FAM186B: variants seen among roughly 807,000 people sequenced by gnomAD.
FAM186B encodes the protein family with sequence similarity 186 member B.
FAM186B carries 68 observed loss-of-function variants against 83.4 expected under a neutral mutation model. The observed-to-expected ratio is 0.81, with a 90% CI of 0.67 to 1.00. The LOEUF (loss-of-function observed/expected upper bound fraction) is 1.00, where lower values mean the gene tolerates loss of function less well. Ranked by LOEUF, FAM186B falls within the 50% of genes least tolerant of loss-of-function variation. The pLI, the probability that FAM186B is intolerant of heterozygous loss-of-function variation, is 0.00. For missense variants in FAM186B, 983 were observed against 1,099.2 expected (o/e 0.89, Z 1.49); for synonymous variants, 389 against 422.0 (o/e 0.92, Z 0.96).
In FAM186B at chr12:49,604,370, C is replaced by G. The variant is rs1477785148; in HGVS notation, c.265G>C (p.Asp89His). The G allele has an allele frequency of 3.1e-6, 5 of 1,614,134 alleles. No homozygotes were observed. The highest frequency in any genetic ancestry group is 1.7e-5 in the Admixed American group (1 of 60,010). The change falls in exon 2 of 7, where the codon GAT (aspartate) becomes CAT (histidine). Residue 89 changes from aspartate (D) to histidine (H), a missense_variant. Coordinates refer to ENST00000257894, the MANE Select transcript of FAM186B (RefSeq NM_032130.3). Reference protein sequence around the residue: ...LLEKIASFSKDAMMKEKHLYD... With the variant: ...LLEKIASFSKHAMMKEKHLYD... ...AGGTGCTTCTCCTTCATCATAGCAT[C>G]TTTGGAGAAGGAGGCAATTTTTTCC...
rs147282399 is a variant in FAM186B at position 49,588,481 on chromosome 12, C to T, written c.2507G>A (p.Arg836Gln). 9.4e-4 allele frequency: 1,512 copies of T among 1,613,176 alleles called. 12 individuals are homozygous for T. The African/African-American group carries it at 0.018, about 19-fold the overall frequency. ...TYKQPFLSRH[R>Q]ACVPLQMARQ... ...GGCCATCTGCAGGGGCACACATGCC[C>T]GGTGCCTAGACAGAAAGGGCTGCTT... The change falls in exon 6 of 7, where the codon CGG (arginine) becomes CAG (glutamine). Residue 836 changes from arginine to glutamine, a missense_variant. Coordinates refer to ENST00000257894, the MANE Select transcript of FAM186B (RefSeq NM_032130.3).
At chr12:49,588,990 G>A (rs958860011) in intron 5 of FAM186B, among the ~76,000 whole-genome samples, 5 of 152,130 alleles carry the variant, frequency 3.3e-5, no homozygotes, top group African/African-American at 1.2e-4. Flanking sequence ...GTATCTTTTC[G>A]TCCAGCCCCA....
At position 49,600,878 on chromosome 12, in the gene FAM186B, G is replaced by T; in HGVS notation, c.762C>A (p.Asn254Lys). ...NKALILQHKE[N>K]RSLETKYRHL... ...GCCTGTATTTGGTCTCCAGGCTCCT[G>T]TTCTCCTTGTGTTGGAGGATCAAGG... is the stretch of plus-strand genomic sequence containing the variant. Residue 254 changes from asparagine to lysine, a missense_variant, in exon 4 of 7, where the codon AAC becomes AAA. Coordinates refer to ENST00000257894, the MANE Select transcript of FAM186B (RefSeq NM_032130.3). This position sits in a 1 kb window ranked among gnomAD's most constrained non-coding sequence, Gnocchi z 4.3. 1 of 1,614,148 alleles carries T rather than the reference G, an allele frequency of 6.2e-7. No individual in the cohort carries two copies. Among genetic ancestry groups the T allele is most frequent in the Non-Finnish European group, 8.5e-7 (1 of 1,180,004 alleles).
rs760701513 is a variant in FAM186B at position 49,600,009 on chromosome 12, G to A, written c.1631C>T (p.Pro544Leu). The A allele has an allele frequency of 1.9e-6, 3 of 1,611,292 alleles. No homozygotes were observed. The highest frequency in any genetic ancestry group is 2.5e-6 in the Non-Finnish European group (3 of 1,178,846). Residue 544 changes from proline (P) to leucine (L), a missense_variant, in exon 4 of 7, where the codon CCA becomes CTA. Coordinates refer to ENST00000257894, the MANE Select transcript of FAM186B (RefSeq NM_032130.3). The surrounding 1 kb of genome is among the most constrained non-coding windows in gnomAD (Gnocchi z 4.3). ...WVQLEKEQES[P>L]RREPEQLGED... ...CCCTAGCTGCTCTGGCTCTCTCCGT[G>A]GGCTCTCCTGCTCCTTTTCTAGCTG...
In FAM186B at chr12:49,599,541, ATGG is replaced by A. The variant is rs748303576; in HGVS notation, c.2096_2098del (p.Thr699del). The A allele has an allele frequency of 7.5e-6, 12 of 1,607,690 alleles. No individual in the cohort carries two copies. The highest frequency in any genetic ancestry group is 4.4e-5 in the South Asian group (4 of 90,060). On this transcript the variant is annotated inframe_deletion, in exon 4 of 7. Transcript: ENST00000257894. ...CTGCAGCCTGAGCGCGCCCAGCTCCATGGTGGTGGTGGTGAGCTCCAGTGCTTT... is the reference window on the plus strand; with the variant it reads ...CTGCAGCCTGAGCGCGCCCAGCTCCATGGTGGTGGTGAGCTCCAGTGCTTT...
downstream of FAM186B, chr12:49,584,305 T>A: frequency 1.8e-6 from 1 of 563,858 alleles, no homozygotes; most frequent in Non-Finnish European, 3.2e-6. Flanking sequence ...CTCTATTTTA[T>A]TAAAATGTAG....
At chr12:49,614,377 C>A in the FAM186B span, among the ~76,000 whole-genome samples, 1 of 152,108 alleles carries the variant, frequency 6.6e-6, no homozygotes, top group South Asian at 2.1e-4. Flanking sequence ...TCCATACACA[C>A]CATGGAATAC....
chr12:49,584,445 C>T (rs547971050), downstream of FAM186B: 7 of 698,074 alleles, frequency 1.0e-5, no homozygotes, highest in East Asian at 1.9e-4. Context: ...GGGTTTCCGT[C>T]CCTCAGAAGG....
At chr12:49,591,929 T>C (rs1297752085) in intron 5 of FAM186B, among the ~76,000 whole-genome samples, 2 of 152,216 alleles carry the variant, frequency 1.3e-5, no homozygotes, top group East Asian at 1.9e-4. Flanking sequence ...AGTCTGTTCA[T>C]GTTCAGCACA....
the FAM186B span, among the ~76,000 whole-genome samples, chr12:49,611,061 G>A: frequency 2.0e-5 from 3 of 151,768 alleles, no homozygotes; most frequent in African/African-American, 4.8e-5. Context: ...CCAACATGGT[G>A]AAACGTTGTC....
In FAM186B at chr12:49,599,913, A is replaced by C; in HGVS notation, c.1727T>G (p.Leu576Ter). The change falls in exon 4 of 7, where the codon TTA (leucine) becomes TGA (stop). Residue 576 changes from leucine to a stop codon, truncating the protein, a stop_gained. Coordinates refer to ENST00000257894, the MANE Select transcript of FAM186B (RefSeq NM_032130.3). LOFTEE classifies it high-confidence loss of function. Reference sequence around the variant, plus strand: ...TTGGGTCCGGCTTGGGGCAGGCACTAATGATAGCTCTGCCTTCTCCAAGTC... The same window carrying C: ...TTGGGTCCGGCTTGGGGCAGGCACTCATGATAGCTCTGCCTTCTCCAAGTC... The part of the protein sequence containing the change: ...WRDLEKAELS[L>*]VPAPSRTQSA... 6.2e-7 allele frequency: 1 copy of C among 1,613,202 alleles called. No homozygotes were observed. The highest frequency in any genetic ancestry group is 8.5e-7 in the Non-Finnish European group (1 of 1,179,530).
the FAM186B span, among the ~76,000 whole-genome samples, chr12:49,616,282 G>A: frequency 6.6e-5 from 10 of 152,178 alleles, no homozygotes; most frequent in African/African-American, 2.2e-4. Context: ...CACCTGCCTC[G>A]ACCTCCCAAA....
At chr12:49,584,382 G>A (rs1483050765), downstream of FAM186B, 13 of 656,744 alleles carry the variant, frequency 2.0e-5, no homozygotes, top group East Asian at 3.5e-4. Flanking sequence ...AACCCCCAGA[G>A]GGTTTCTTTA....
intron 4 of FAM186B, 96 bp downstream of exon 4, chr12:49,599,373 C>T: frequency 7.0e-7 from 1 of 1,426,552 alleles, no homozygotes; most frequent in Non-Finnish European, 9.2e-7. Context: ...CTCTCCCCAT[C>T]CCCCCTTGCC....
chr12:49,590,207 G>T (rs749760079), intron 5 of FAM186B, among the ~76,000 whole-genome samples: 1 of 151,922 alleles, frequency 6.6e-6, no homozygotes, highest in Non-Finnish European at 1.5e-5. Context: ...TCCCTCAGTG[G>T]TGTATGGCCC....
chr12:49,583,324 T>C (rs981164269), downstream of FAM186B: 10 of 275,200 alleles, frequency 3.6e-5, no homozygotes, highest in Non-Finnish European at 6.6e-5. Context: ...AAGTACACAT[T>C]AAATAACTTA....
At position 49,588,617 on chromosome 12, in the gene FAM186B, G is replaced by C; in HGVS notation, c.2371C>G (p.Leu791Val). The C allele has an allele frequency of 6.3e-7, 1 of 1,579,568 alleles. No homozygotes were observed. The highest frequency in any genetic ancestry group is 1.2e-5 in the South Asian group (1 of 86,384). Residue 791 changes from leucine (L) to valine (V), a missense_variant, in exon 6 of 7, where the codon CTG becomes GTG. Transcript: ENST00000257894. The part of the protein sequence containing the change: ...SMVTMFPKLQ[L>V]EWNVHLNIPE... ...ATGTTCAGGTGAACGTTCCACTCCA[G>C]CTGGAGCTAGAGGAACCAGCAGAGA...
intron 5 of FAM186B, among the ~76,000 whole-genome samples, chr12:49,593,790 T>C (rs373692291): frequency 1.3e-3 from 198 of 152,220 alleles, no homozygotes; most frequent in South Asian, 0.011. Flanking sequence ...CTGGACAACA[T>C]AGTGAAACTT....
the FAM186B span, among the ~76,000 whole-genome samples, chr12:49,614,717 C>G: frequency 1.0e-3 from 155 of 152,158 alleles, no homozygotes; most frequent in Admixed American, 2.0e-3. Flanking sequence ...GCACATGTAC[C>G]CCCTGAGTCT....
Sources: gnomAD v4.1 joint callset for allele counts (sites outside exome capture counted in the v4.1 genomes callset) on GRCh38, gnomAD v4.1.1 for gene constraint, Gnocchi (gnomAD v3.1) non-coding constraint, MANE v1.5 for transcripts, NCBI Gene and HGNC (gene_info 2026-07-23, HGNC 2026-07-21) for gene names.